STK25: variants seen among roughly 807,000 people sequenced by gnomAD.
STK25 encodes the protein serine/threonine-protein kinase 25.
In STK25, 29 loss-of-function variants were observed where a neutral mutation model predicts 53.8. The ratio of observed to expected loss-of-function variants is 0.54; its 90% CI spans 0.40 to 0.74. The LOEUF is 0.74. STK25 is among the 30% of genes least tolerant of loss of function. The probability of loss-of-function intolerance (pLI) is 0.00; values close to 1 mark genes in which losing one functional copy is unlikely to be tolerated. For synonymous variants in STK25, 247 were observed against 238.3 expected, an observed-to-expected ratio of 1.04 and a Z score of -0.33; for missense variants, 420 against 568.0, an observed-to-expected ratio of 0.74 and a Z score of 2.65.
chr2:241,508,088 C>T lies in STK25; in HGVS notation c.-53G>A. ...GCAGCCCCAGGAGGCGTCTGGATCC[C>T]GCGGAGAGGCGCGGAGCCGGCTAGC... On this transcript the variant is annotated 5_prime_UTR_variant, in exon 2 of 12. Transcript: ENST00000316586. The T allele has an allele frequency of 6.4e-7, 1 of 1,558,378 alleles. No homozygotes were observed. Among genetic ancestry groups the T allele is most frequent in the East Asian group, 2.4e-5 (1 of 41,592 alleles).
In STK25 at chr2:241,501,391, A is replaced by ACCCTCTGGCATGTCACTCAGT; in HGVS notation, c.261+66_261+86dup. 2.2e-6 allele frequency: 3 copies of ACCCTCTGGCATGTCACTCAGT among 1,365,116 alleles called. No homozygotes were observed. Among genetic ancestry groups the ACCCTCTGGCATGTCACTCAGT allele is most frequent in the Non-Finnish European group, 3.1e-6 (3 of 973,398 alleles). 84.6% of individuals were successfully genotyped at this position (1,365,116 alleles called of 1,614,324 possible). ...CACTGAACCGTCAAGACCGCCTTGC[A>ACCCTCTGGCATGTCACTCAGT]CCCTCTGGCATGTCACTCAGTCCCT... On this transcript the variant is annotated intron_variant, in intron 3 of 11. Transcript: ENST00000316586. The surrounding 1 kb of genome is among the most constrained non-coding windows in gnomAD (Gnocchi z 5.3).
chr2:241,504,293 T>G (rs1387300919), intron 2 of STK25, among the ~76,000 whole-genome samples: 2 of 152,178 alleles, frequency 1.3e-5, no homozygotes, highest in Admixed American at 1.3e-4. Flanking sequence ...AAAAGTGACC[T>G]TTCTCATTCT....
chr2:241,505,481 C>A (rs533196968), intron 2 of STK25, among the ~76,000 whole-genome samples: 1 of 152,136 alleles, frequency 6.6e-6, no homozygotes, highest in Non-Finnish European at 1.5e-5. Flanking sequence ...GGCAGCATTA[C>A]CCAGCACCAC....
Position 241,493,769 on chromosome 2 carries a change from G to GTATT in STK25, c.*1889_*1892dup, listed in dbSNP as rs1158047543. The GTATT allele has an allele frequency of 1.1e-5, 5 of 471,092 alleles. No individual in the cohort carries two copies. Among genetic ancestry groups the GTATT allele is most frequent in the Non-Finnish European group, 1.9e-5 (5 of 265,276 alleles). 29.2% of individuals were successfully genotyped at this position (471,092 alleles called of 1,614,324 possible). A position where few individuals can be genotyped will look rare whatever the true frequency, so the allele number is the denominator to read the frequency against. On this transcript the variant is annotated 3_prime_UTR_variant, in exon 12 of 12. Transcript: ENST00000316586. ...ACGCCACGCCGCCTGGCTAATTTTT[G>GTATT]TATTTTTAGTAGAGACAGGGTTTCA...
rs2065170408 is a variant in STK25 at position 241,496,565 on chromosome 2, A to C, written c.1105-31T>G. 1.2e-6 allele frequency: 2 copies of C among 1,601,066 alleles called. No homozygotes were observed. Among genetic ancestry groups the C allele is most frequent in the South Asian group, 1.1e-5 (1 of 90,596 alleles). ...AAAAGACCACCACGCCTGACCCTGG[A>C]CCCCAGGACAGGCCTTCAGGGAGCC... On this transcript the variant is annotated intron_variant, in intron 10 of 11. Coordinates refer to ENST00000316586, the MANE Select transcript of STK25 (RefSeq NM_001271977.2). The surrounding 1 kb of genome is among the most constrained non-coding windows in gnomAD (Gnocchi z 5.8).
chr2:241,499,630 G>C (rs960809404), intron 5 of STK25: 5 of 617,504 alleles, frequency 8.1e-6, no homozygotes, highest in Non-Finnish European at 1.4e-5. Context: ...CCGAGCTCCA[G>C]GGCTCTTCCT....
In STK25 at chr2:241,492,901, T is replaced by C. The variant is rs779340478; in HGVS notation, c.*2761A>G. 65 of 1,347,842 alleles carry C rather than the reference T, an allele frequency of 4.8e-5. No individual in the cohort carries two copies. The highest frequency in any genetic ancestry group is 1.8e-4 in the Middle Eastern group (1 of 5,592). 83.5% of individuals were successfully genotyped at this position (1,347,842 alleles called of 1,614,324 possible). On this transcript the variant is annotated 3_prime_UTR_variant, in exon 12 of 12. Transcript: ENST00000316586. ...ACAAGGGGTCCTGGGTGCTGGTTAA[T>C]GCACCTGCATTTTTCCTTTATTGAC...
At chr2:241,498,473 GT>G in intron 8 of STK25, 124 bp from the exon 9 acceptor site, 1 of 1,251,848 alleles carries the variant, frequency 8.0e-7, no homozygotes, top group Non-Finnish European at 1.1e-6. Flanking sequence ...AGGCCACGGG[GT>G]CCAGCTGATG....
chr2:241,506,145 G>A (rs549535300), intron 2 of STK25, among the ~76,000 whole-genome samples: 1 of 152,262 alleles, frequency 6.6e-6, no homozygotes, highest in Non-Finnish European at 1.5e-5. Flanking sequence ...CAGGAGCACA[G>A]GCTATGGGGG....
chr2:241,497,718 G>C (rs903671000), intron 9 of STK25, 31 bp from the exon 10 acceptor site: 6 of 1,608,476 alleles, frequency 3.7e-6, no homozygotes, highest in African/African-American at 2.7e-5. Context: ...AGGGTGAGCA[G>C]GGCAGTGCAG....
Position 241,493,197 on chromosome 2 carries a change from C to A in STK25, c.*2465G>T. 1.4e-6 allele frequency: 2 copies of A among 1,412,850 alleles called. No individual in the cohort carries two copies. Among genetic ancestry groups the A allele is most frequent in the African/African-American group, 1.4e-5 (1 of 71,044 alleles). The allele number at this position is 1,412,850 out of a possible 1,614,324, so 87.5% of individuals were successfully genotyped here. ...GAAACTGGCTCCCTTGGCCCGTGGG[C>A]ATTTGTACGTGCCACCGTTGTGCAG... On this transcript the variant is annotated 3_prime_UTR_variant, in exon 12 of 12. Transcript: ENST00000316586.
In STK25 at chr2:241,501,224, G is replaced by C; in HGVS notation, c.261+254C>G. On this transcript the variant is annotated intron_variant, in intron 3 of 11. Coordinates refer to ENST00000316586, the MANE Select transcript of STK25 (RefSeq NM_001271977.2). The surrounding 1 kb of genome is among the most constrained non-coding windows in gnomAD (Gnocchi z 5.3). ...GGCCCACTCACCACTGCCAGTAGGG[G>C]CCCCCCAGAGTGCTCCTAGCAGCGC... The C allele has an allele frequency of 1.7e-6, 1 of 573,098 alleles. No individual in the cohort carries two copies. The allele number at this position is 573,098 out of a possible 1,614,324, so 35.5% of individuals were successfully genotyped here.
Position 241,493,463 on chromosome 2 carries a change from G to A in STK25, c.*2199C>T. On this transcript the variant is annotated 3_prime_UTR_variant, in exon 12 of 12. Transcript: ENST00000316586. ...TTGAAAGGTAATTTTGCAGGAGGCA[G>A]CCCTGGTCAGCTGCCCATTTCGATG... 3.1e-6 allele frequency: 5 copies of A among 1,612,228 alleles called. No homozygotes were observed. The highest frequency in any genetic ancestry group is 2.2e-5 in the South Asian group (2 of 91,050).
chr2:241,508,311 C>A (rs546474683), intron 1 of STK25, 132 bp downstream of exon 1: 2 of 1,247,634 alleles, frequency 1.6e-6, no homozygotes, highest in Non-Finnish European at 1.0e-6. Context: ...CCCGTCGCCG[C>A]CCCCACCTCT....
chr2:241,493,160 T>C lies in STK25; in HGVS notation c.*2502A>G. 2 of 1,180,672 alleles carry C rather than the reference T, an allele frequency of 1.7e-6. No individual in the cohort carries two copies. The highest frequency in any genetic ancestry group is 1.3e-5 in the South Asian group (1 of 75,832). The allele number at this position is 1,180,672 out of a possible 1,614,324, so 73.1% of individuals were successfully genotyped here. A position where few individuals can be genotyped will look rare whatever the true frequency, so the allele number is the denominator to read the frequency against. ...CATGCTTTGCCCACACACCCTGTGC[T>C]GTGTGAACAGGGAAACTGGCTCCCT... On this transcript the variant is annotated 3_prime_UTR_variant, in exon 12 of 12. Coordinates refer to ENST00000316586, the MANE Select transcript of STK25 (RefSeq NM_001271977.2).
chr2:241,495,471 C>T lies in STK25; in HGVS notation c.*191G>A, dbSNP rs1450301068. 1.1e-5 allele frequency: 7 copies of T among 611,470 alleles called. No homozygotes were observed. Among genetic ancestry groups the T allele is most frequent in the African/African-American group, 1.8e-5 (1 of 54,370 alleles). The allele number at this position is 611,470 out of a possible 1,614,324, so 37.9% of individuals were successfully genotyped here. Reference sequence around the variant, plus strand: ...TGGGCATAGAGAACAGCGTCCCTGACGTGCACAACAGCACACTGCAGGGGT... The same window carrying T: ...TGGGCATAGAGAACAGCGTCCCTGATGTGCACAACAGCACACTGCAGGGGT... On this transcript the variant is annotated 3_prime_UTR_variant, in exon 12 of 12. Transcript: ENST00000316586.
Position 241,492,943 on chromosome 2 carries a change from A to ATATC in STK25, c.*2715_*2718dup. On this transcript the variant is annotated 3_prime_UTR_variant, in exon 12 of 12. Transcript: ENST00000316586. ...TTTATTGACAGAACCAGCTTTCAGG[A>ATATC]TATCTGCTAAGAAAGTTCAAAAACA... The ATATC allele has an allele frequency of 6.2e-7, 1 of 1,607,668 alleles. No individual in the cohort carries two copies. The highest frequency in any genetic ancestry group is 8.5e-7 in the Non-Finnish European group (1 of 1,174,140).
intron 2 of STK25, among the ~76,000 whole-genome samples, chr2:241,506,321 A>G (rs754419166): frequency 6.6e-6 from 1 of 152,156 alleles, no homozygotes; most frequent in Non-Finnish European, 1.5e-5. Context: ...GGACAAAAGG[A>G]GCTTCCTACC....
intron 3 of STK25, 50 bp from the exon 4 acceptor site, chr2:241,500,846 T>G (rs760043427): frequency 3.1e-5 from 50 of 1,593,886 alleles, no homozygotes; most frequent in Middle Eastern, 1.7e-4. Flanking sequence ...AGGAAGGGCA[T>G]GCTCCAGGGT....
Sources: allele counts gnomAD v4.1 joint callset (sites outside exome capture counted in the v4.1 genomes callset), GRCh38; gene constraint gnomAD v4.1.1; non-coding constraint Gnocchi (gnomAD v3.1); transcripts MANE v1.5; gene names NCBI Gene and HGNC (gene_info 2026-07-23, HGNC 2026-07-21).